The following WNT3A variants were observed in gnomAD, a reference collection of about 807,000 sequenced individuals.
WNT3A encodes the protein protein Wnt-3a.
Under a neutral mutation model 37.0 loss-of-function variants are expected in WNT3A, and 17 were observed. That is an observed-to-expected ratio of 0.46 (90% confidence interval 0.31 to 0.69). The LOEUF (loss-of-function observed/expected upper bound fraction) is 0.69, where lower values mean the gene tolerates loss of function less well. Ranked by LOEUF, WNT3A falls within the 30% of genes least tolerant of loss-of-function variation. The pLI is 0.05. For missense variants in WNT3A, 411 were observed against 510.2 expected (o/e 0.81, Z 1.87); for synonymous variants, 187 against 211.0 (o/e 0.89, Z 0.99).
At chr1:228,009,307 G>A (rs1039032700) in intron 1 of WNT3A, among the ~76,000 whole-genome samples, 6 of 152,128 alleles carry the variant, frequency 3.9e-5, no homozygotes, top group African/African-American at 1.4e-4. Flanking sequence ...GCAGCACCCC[G>A]GCAGCATAGG....
intron 2 of WNT3A, among the ~76,000 whole-genome samples, chr1:228,025,525 T>C (rs901943881): frequency 6.6e-6 from 1 of 152,126 alleles, no homozygotes; most frequent in African/African-American, 2.4e-5. Context: ...GTGTTTGTAT[T>C]TTTTGTAGAG....
In WNT3A at chr1:228,050,511, G is replaced by T; in HGVS notation, c.314-145G>T. 9.8e-7 allele frequency: 1 copy of T among 1,015,432 alleles called. No homozygotes were observed. The highest frequency in any genetic ancestry group is 1.4e-6 in the Non-Finnish European group (1 of 738,212). The allele number at this position is 1,015,432 out of a possible 1,614,324, so 62.9% of individuals were successfully genotyped here. On this transcript the variant is annotated intron_variant, in intron 2 of 3. Transcript: ENST00000284523. The surrounding 1 kb of genome is among the most constrained non-coding windows in gnomAD (Gnocchi z 5.0). ...GCTTCTGTGTAGCCTGTAGATCCGT[G>T]AACCAAGTAAGCCTCTTTGCCTTAT...
intron 2 of WNT3A, among the ~76,000 whole-genome samples, chr1:228,032,361 AGATTGGCTGGGGGCCCAGCCAGCT>A (rs1381123461): frequency 3.9e-5 from 6 of 152,340 alleles, no homozygotes; most frequent in Admixed American, 6.5e-5. Flanking sequence ...CCCAGCCAGC[AGATTGGCTGGGGGCCCAGCCAGCT>A]GAATGCAAAG....
At chr1:228,027,331 A>G (rs899394207) in intron 2 of WNT3A, among the ~76,000 whole-genome samples, 13 of 152,250 alleles carry the variant, frequency 8.5e-5, no homozygotes, top group Non-Finnish European at 1.0e-4. Context: ...AACTACTTTC[A>G]GCTCTTTAAG....
rs1553308714 is a variant in WNT3A at position 228,023,298 on chromosome 1, G to GAGAGACAGAGAGAGAGAAAGAT, written c.313+400_313+421dup. ...AAAGAGAGACAGAGAGAAAGACAGA[G>GAGAGACAGAGAGAGAGAAAGAT]AGAGACAGAGAGAGAGAAAGATAGA... is the stretch of plus-strand genomic sequence containing the variant. On this transcript the variant is annotated intron_variant, in intron 2 of 3. Coordinates refer to ENST00000284523, the MANE Select transcript of WNT3A (RefSeq NM_033131.4). 3.5e-3 allele frequency among the ~76,000 whole-genome samples: 528 copies of GAGAGACAGAGAGAGAGAAAGAT among 152,248 alleles called. 8 individuals are homozygous for GAGAGACAGAGAGAGAGAAAGAT. The highest frequency in any genetic ancestry group is 0.029 in the East Asian group (151 of 5,180).
chr1:228,059,450 G>A lies in WNT3A; in HGVS notation c.1044G>A (p.Val348=), dbSNP rs1417807374. 6.6e-7 allele frequency: 1 copy of A among 1,518,512 alleles called. No homozygotes were observed. The highest frequency in any genetic ancestry group is 2.0e-5 in the Admixed American group (1 of 49,132). 94.1% of individuals were successfully genotyped at this position (1,518,512 alleles called of 1,614,324 possible). A position where few individuals can be genotyped will look rare whatever the true frequency, so the allele number is the denominator to read the frequency against. Residue 348 remains valine (V), a synonymous_variant, in exon 4 of 4, where the codon GTG becomes GTA. Coordinates refer to ENST00000284523, the MANE Select transcript of WNT3A (RefSeq NM_033131.4). ...AGGAGTGCACGCGCGTCTACGACGT[G>A]CACACCTGCAAGTAGGCACCGGCCG... ...SCQECTRVYD[V]HTCK is the part of the protein sequence containing the mutation.
chr1:228,057,754 A>G (rs1043418466), intron 3 of WNT3A, among the ~76,000 whole-genome samples: 3 of 152,242 alleles, frequency 2.0e-5, no homozygotes, highest in Non-Finnish European at 2.9e-5. Context: ...AATTTGTCCC[A>G]CAAATGACAC....
intron 3 of WNT3A, among the ~76,000 whole-genome samples, chr1:228,052,167 G>A (rs1043664269): frequency 6.6e-6 from 1 of 151,698 alleles, no homozygotes; most frequent in African/African-American, 2.4e-5. Context: ...TTTCTTTCTG[G>A]GGGGGTGGGG....
chr1:228,019,795 G>A (rs555960712), intron 1 of WNT3A, among the ~76,000 whole-genome samples: 3 of 152,334 alleles, frequency 2.0e-5, no homozygotes, highest in South Asian at 2.1e-4. Context: ...TAGCAGGCAC[G>A]TCCTGAACCA....
intron 1 of WNT3A, among the ~76,000 whole-genome samples, chr1:228,014,365 G>A (rs902578037): frequency 2.5e-4 from 38 of 152,218 alleles, no homozygotes; most frequent in African/African-American, 9.7e-5. Flanking sequence ...CTGTCCACAC[G>A]CCTGCATGGA....
At chr1:228,009,791 G>A (rs1488659842) in intron 1 of WNT3A, among the ~76,000 whole-genome samples, 1 of 152,168 alleles carries the variant, frequency 6.6e-6, no homozygotes. Flanking sequence ...TGTCCCTGTG[G>A]CCAGCAGCCC....
intron 1 of WNT3A, among the ~76,000 whole-genome samples, chr1:228,015,636 C>T (rs984904617): frequency 6.6e-6 from 1 of 152,192 alleles, no homozygotes; most frequent in African/African-American, 2.4e-5. Context: ...CCAGACCTCA[C>T]TGTGATCCAG....
At chr1:228,032,249 A>G (rs974546992) in intron 2 of WNT3A, among the ~76,000 whole-genome samples, 1 of 152,154 alleles carries the variant, frequency 6.6e-6, no homozygotes, top group Non-Finnish European at 1.5e-5. Context: ...CCATTCAGGA[A>G]CCCTTGGGTC....
chr1:228,020,657 G>A (rs1330183452), intron 1 of WNT3A, among the ~76,000 whole-genome samples: 4 of 152,230 alleles, frequency 2.6e-5, no homozygotes, highest in Admixed American at 1.3e-4. Context: ...ACAAAATGGT[G>A]GAGGGGGTGT....
At chr1:228,049,672 C>T (rs916581010) in intron 2 of WNT3A, among the ~76,000 whole-genome samples, 1 of 152,164 alleles carries the variant, frequency 6.6e-6, no homozygotes, top group African/African-American at 2.4e-5. Flanking sequence ...TACTCTTTGA[C>T]TCTTTGATTG....
intron 2 of WNT3A, among the ~76,000 whole-genome samples, chr1:228,048,458 G>A (rs1419097761): frequency 6.6e-6 from 1 of 152,222 alleles, no homozygotes; most frequent in African/African-American, 2.4e-5. Flanking sequence ...CTCTTTCCTG[G>A]TTGGCTCCCT....
rs1478273314 is a variant in WNT3A, at chr1:228,059,161, G to T, written c.755G>T (p.Trp252Leu). The T allele has an allele frequency of 6.2e-7, 1 of 1,613,476 alleles. No homozygotes were observed. The highest frequency in any genetic ancestry group is 2.2e-5 in the East Asian group (1 of 44,872). ...VVEKHRESRGWVETLRPRYTY... is the reference protein window; with the variant it reads ...VVEKHRESRGLVETLRPRYTY... ...GAGAAGCACCGGGAGTCCCGCGGCT[G>T]GGTGGAGACCCTGCGGCCGCGCTAC... The change falls in exon 4 of 4, where the codon TGG becomes TTG. Residue 252 changes from tryptophan (W) to leucine (L), a missense_variant. Physicochemically the swap from Trp to Leu is moderately conservative, Grantham distance 61. Transcript: ENST00000284523.
At chr1:228,016,059 C>T (rs1339774253) in intron 1 of WNT3A, among the ~76,000 whole-genome samples, 1 of 152,162 alleles carries the variant, frequency 6.6e-6, no homozygotes, top group Non-Finnish European at 1.5e-5. Context: ...TTTCTGTCCC[C>T]CGCATGTGCT....
At chr1:228,026,936 G>T (rs2030867331) in intron 2 of WNT3A, among the ~76,000 whole-genome samples, 1 of 152,172 alleles carries the variant, frequency 6.6e-6, no homozygotes, top group African/African-American at 2.4e-5. Flanking sequence ...TCCACCTCCT[G>T]GTTTCAAGCG....
Sources: gnomAD v4.1 joint callset for allele counts (sites outside exome capture counted in the v4.1 genomes callset) on GRCh38, gnomAD v4.1.1 for gene constraint, Gnocchi (gnomAD v3.1) non-coding constraint, MANE v1.5 for transcripts, NCBI Gene and HGNC (gene_info 2026-07-23, HGNC 2026-07-21) for gene names.